The following RNF150 variants were observed in gnomAD, a reference collection of about 807,000 sequenced individuals.
The protein encoded by RNF150 is ring finger protein 150.
RNF150 carries 24 observed loss-of-function variants against 39.3 expected under a neutral mutation model. The ratio of observed to expected loss-of-function variants is 0.61; its 90% confidence interval spans 0.44 to 0.86. The LOEUF is 0.86. Among genes scored for constraint, RNF150 ranks in the 40% least tolerant of loss-of-function variants. The pLI is 0.00. For missense variants in RNF150, 502 were observed against 587.8 expected, an observed-to-expected ratio of 0.85 and a Z score of 1.51; for synonymous variants, 255 against 227.3, an observed-to-expected ratio of 1.12 and a Z score of -1.10.
chr4:140,908,213 A>G lies in RNF150; in HGVS notation c.1198+2931T>C, dbSNP rs536748233. Reference sequence around the variant, plus strand: ...ATTTGTGTTTGTTCATTTATTAATTAAATCTTAATTTGAGTAAGTCACTAG... The same window carrying G: ...ATTTGTGTTTGTTCATTTATTAATTGAATCTTAATTTGAGTAAGTCACTAG... On this transcript the variant is annotated intron_variant, in intron 6 of 6. Coordinates refer to ENST00000515673, the MANE Select transcript of RNF150 (RefSeq NM_020724.2). 3.9e-4 allele frequency among the ~76,000 whole-genome samples: 59 copies of G among 152,330 alleles called. 2 individuals are homozygous for G. The South Asian group carries it at 0.011, about 27-fold the overall frequency.
At chr4:141,126,113 CAT>C (rs1553949386) in intron 1 of RNF150, among the ~76,000 whole-genome samples, 3 of 151,158 alleles carry the variant, frequency 2.0e-5, no homozygotes, top group African/African-American at 4.9e-5. Context: ...CACACACACA[CAT>C]GCATACTAAG....
At chr4:140,920,453 C>G (rs1364073060) in intron 5 of RNF150, among the ~76,000 whole-genome samples, 2 of 132,512 alleles carry the variant, frequency 1.5e-5, no homozygotes, top group African/African-American at 2.8e-5. Flanking sequence ...CCATCACTGG[C>G]CATCAGAGAA....
intron 2 of RNF150, among the ~76,000 whole-genome samples, chr4:140,962,071 C>G (rs1307403004): frequency 1.3e-5 from 2 of 150,092 alleles, no homozygotes; most frequent in Admixed American, 1.3e-4. Flanking sequence ...TCTCTTCTCT[C>G]TCTCTCTCTA....
In RNF150 at chr4:140,863,681, CAG is replaced by C. The variant is rs992236747; in HGVS notation, c.*4578_*4579del. The C allele has an allele frequency of 3.3e-4, 50 of 152,196 alleles. No homozygotes were observed. Among genetic ancestry groups the C allele is most frequent in the African/African-American group, 1.1e-3 (44 of 41,532 alleles). 9.4% of individuals were successfully genotyped at this position (152,196 alleles called of 1,614,324 possible). A position where few individuals can be genotyped will look rare whatever the true frequency, so the allele number is the denominator to read the frequency against. On this transcript the variant is annotated 3_prime_UTR_variant, in exon 7 of 7. Transcript: ENST00000515673. ...TAAGATATAGGCAGTCAGAGAAAAA[CAG>C]ATACAGACAGAAAAGGAAAAGAAAC...
chr4:141,137,388 G>T (rs1343070368), upstream of RNF150, among the ~76,000 whole-genome samples: 2 of 152,178 alleles, frequency 1.3e-5, no homozygotes, highest in Admixed American at 1.3e-4. Context: ...TCAGGAAGGT[G>T]GCAATGAGCA....
At chr4:141,013,351 C>T (rs1209922337) in intron 1 of RNF150, among the ~76,000 whole-genome samples, 1 of 152,044 alleles carries the variant, frequency 6.6e-6, no homozygotes, top group Non-Finnish European at 1.5e-5. Flanking sequence ...ACTGTTCTTT[C>T]TATATATGTT....
At chr4:140,965,136 T>C (rs569916106) in intron 2 of RNF150, among the ~76,000 whole-genome samples, 10 of 152,216 alleles carry the variant, frequency 6.6e-5, no homozygotes, top group African/African-American at 2.2e-4. Flanking sequence ...TTCAGTAATC[T>C]TGGTCTATAG....
In RNF150 at chr4:141,132,514, G is replaced by T. The variant is rs1476407182; in HGVS notation, c.295C>A (p.Arg99Ser). 1 of 1,604,152 alleles carries T rather than the reference G, an allele frequency of 6.2e-7. No individual in the cohort carries two copies. Among genetic ancestry groups the T allele is most frequent in the Non-Finnish European group, 8.5e-7 (1 of 1,176,364 alleles). ...TTGGTGTTGGGGTCGCAGGCCAGGC[G>T]GTCGTGGGCCGAGCTGGCCATGACC... Reference protein sequence around the residue: ...EVVMASSAHDRLACDPNTKFA... With the variant: ...EVVMASSAHDSLACDPNTKFA... Residue 99 changes from arginine (R) to serine (S), a missense_variant, in exon 1 of 7, where the codon CGC (arginine) becomes AGC (serine). Physicochemically the swap from Arg to Ser is moderately radical, Grantham distance 110 (BLOSUM62 -1). Coordinates refer to ENST00000515673, the MANE Select transcript of RNF150 (RefSeq NM_020724.2). This position sits in a 1 kb window ranked among gnomAD's most constrained non-coding sequence, Gnocchi z 4.9.
chr4:141,090,479 A>G (rs1282450124), intron 1 of RNF150, among the ~76,000 whole-genome samples: 1 of 152,192 alleles, frequency 6.6e-6, no homozygotes, highest in East Asian at 1.9e-4. Context: ...ACATTTACTG[A>G]TGCACAAAGC....
At chr4:141,107,044 T>C (rs142552868) in intron 1 of RNF150, among the ~76,000 whole-genome samples, 319 of 152,174 alleles carry the variant, frequency 2.1e-3, no homozygotes, top group Non-Finnish European at 3.6e-3. Flanking sequence ...AATGTCCAAA[T>C]TGAGGATAAA....
At position 141,019,670 on chromosome 4, in the gene RNF150, A is replaced by C. The variant is rs190101907; in HGVS notation, c.485-51797T>G. On this transcript the variant is annotated intron_variant, in intron 1 of 6. Transcript: ENST00000515673. The stretch of plus-strand genomic sequence containing the variant: ...TGGAAATGCATATGAAAACCTTTCC[A>C]CATTTCCAAGTCTGGTAAGAGCAAA... 1.4e-3 allele frequency among the ~76,000 whole-genome samples: 217 copies of C among 152,328 alleles called. 2 individuals are homozygous for C. The highest frequency in any genetic ancestry group is 0.013 in the Admixed American group (193 of 15,290).
chr4:141,084,599 C>T (rs10007212), intron 1 of RNF150, among the ~76,000 whole-genome samples: 48,374 of 151,936 alleles, frequency 0.32, 8,920 homozygotes, highest in East Asian at 0.75. Flanking sequence ...CTAAAGGACG[C>T]GCAGGCTTCT....
At chr4:140,881,442 G>A (rs575360559) in intron 6 of RNF150, among the ~76,000 whole-genome samples, 1 of 152,276 alleles carries the variant, frequency 6.6e-6, no homozygotes, top group South Asian at 2.1e-4. Flanking sequence ...GGGATTACAA[G>A]CATGAGCCAC....
rs530978664 is a variant in RNF150 at position 141,198,589 on chromosome 4, G to A, written c.-6+14205C>T. 1.7e-4 allele frequency among the ~76,000 whole-genome samples: 26 copies of A among 152,350 alleles called. 1 individual carries two copies. The highest frequency in any genetic ancestry group is 6.0e-4 in the African/African-American group (25 of 41,586). On this transcript the variant is annotated intron_variant, in intron 1 of 7. Coordinates refer to the RNF150 transcript ENST00000420921. ...ACAGATGATGACAAGAGCGAAAAAT[G>A]ATAAGTGCAATTAATGGTACGTCCA...
intron 1 of RNF150, among the ~76,000 whole-genome samples, chr4:141,110,610 G>C (rs1739356872): frequency 7.1e-6 from 1 of 140,454 alleles, no homozygotes; most frequent in Non-Finnish European, 1.5e-5. Context: ...AAGGGGTCTT[G>C]CTATGTTGAC....
At chr4:141,186,164 G>T (rs187513649) in intron 1 of RNF150, among the ~76,000 whole-genome samples, 3 of 152,258 alleles carry the variant, frequency 2.0e-5, no homozygotes, top group Admixed American at 2.0e-4. Flanking sequence ...CTGGTCCTGG[G>T]CTTTTTTTGG....
At chr4:141,142,248 C>A (rs1361040084) in intron 1 of RNF150, among the ~76,000 whole-genome samples, 1 of 152,160 alleles carries the variant, frequency 6.6e-6, no homozygotes, top group Non-Finnish European at 1.5e-5. Context: ...TACTTTTACC[C>A]CAATGTATCC....
intron 4 of RNF150, 114 bp from the exon 5 acceptor site, chr4:140,926,187 T>A: frequency 1.4e-6 from 1 of 721,468 alleles, no homozygotes. Flanking sequence ...GAGCCAAGAC[T>A]CAAACCTCCA....
intron 1 of RNF150, among the ~76,000 whole-genome samples, chr4:141,189,077 T>C (rs987194443): frequency 3.3e-5 from 5 of 152,238 alleles, no homozygotes; most frequent in African/African-American, 9.6e-5. Flanking sequence ...ATGGGCGTCC[T>C]TTTTGTTGAT....
Sources: allele counts gnomAD v4.1 joint callset (sites outside exome capture counted in the v4.1 genomes callset), GRCh38; gene constraint gnomAD v4.1.1; non-coding constraint Gnocchi (gnomAD v3.1); transcripts MANE v1.5; gene names NCBI Gene and HGNC (gene_info 2026-07-23, HGNC 2026-07-21).